Variants in NRDC observed in about 807,000 individuals in gnomAD.
The protein encoded by NRDC is nardilysin.
NRDC carries 54 observed loss-of-function variants against 147.1 expected under a neutral mutation model. That is an observed-to-expected ratio of 0.37 (90% CI 0.29 to 0.46). The LOEUF (loss-of-function observed/expected upper bound fraction) is 0.46, where lower values mean the gene tolerates loss of function less well. Among genes scored for constraint, NRDC ranks in the 20% least tolerant of loss-of-function variants. The probability of loss-of-function intolerance (pLI) is 1.00; values close to 1 mark genes in which losing one functional copy is unlikely to be tolerated. For missense variants in NRDC, 1,082 were observed against 1,370.6 expected, an observed-to-expected ratio of 0.79 and a Z score of 3.33; for synonymous variants, 440 against 482.1, an observed-to-expected ratio of 0.91 and a Z score of 1.14.
chr1:51,791,609 CAG>C lies in NRDC; in HGVS notation c.2927_2928del (p.Ser976CysfsTer13). 6.2e-7 allele frequency: 1 copy of C among 1,613,958 alleles called. No individual in the cohort carries two copies. The highest frequency in any genetic ancestry group is 8.5e-7 in the Non-Finnish European group (1 of 1,179,826). ...TTGGTTGCCTGAGTCCCCACAGTGA[CAG>C]AAAATCCTAGAATCCCGGATGTGTT... ...CRNTSGILGF[S>X]VTVGTQATKY... On this transcript the variant is annotated frameshift_variant, in exon 27 of 31. Transcript: ENST00000352171. LOFTEE classifies it high-confidence loss of function.
chr1:51,801,149 T>C (rs1679175546), intron 20 of NRDC: 1 of 152,616 alleles, frequency 6.6e-6, no homozygotes, highest in South Asian at 2.1e-4. Context: ...AATTGTCAAA[T>C]TTGGAACAAT....
chr1:51,867,587 G>T (rs1682878979), intron 1 of NRDC, among the ~76,000 whole-genome samples: 1 of 152,180 alleles, frequency 6.6e-6, no homozygotes, highest in Admixed American at 6.5e-5. Context: ...CTGTGAATAA[G>T]CAGGAAGAGA....
chr1:51,817,533 T>C (rs1216569245), intron 10 of NRDC, among the ~76,000 whole-genome samples: 1 of 152,204 alleles, frequency 6.6e-6, no homozygotes, highest in Non-Finnish European at 1.5e-5. Context: ...CCTAGTCATA[T>C]TACCAATCCA....
chr1:51,807,521 A>G (rs1033927355), intron 17 of NRDC, among the ~76,000 whole-genome samples: 2 of 152,166 alleles, frequency 1.3e-5, no homozygotes, highest in African/African-American at 2.4e-5. Flanking sequence ...AGCCTGGGCA[A>G]CATAGAGAGA....
intron 1 of NRDC, among the ~76,000 whole-genome samples, chr1:51,854,361 C>T (rs577758709): frequency 1.3e-5 from 2 of 152,054 alleles, no homozygotes; most frequent in Admixed American, 6.6e-5. Flanking sequence ...GAGCAAGATG[C>T]CATCTCAAAA....
intron 1 of NRDC, among the ~76,000 whole-genome samples, chr1:51,846,624 G>A (rs538527086): frequency 2.2e-4 from 34 of 152,342 alleles, no homozygotes; most frequent in African/African-American, 7.9e-4. Flanking sequence ...CTGGCTTCAG[G>A]AGTGAAGCTG....
intron 7 of NRDC, among the ~76,000 whole-genome samples, chr1:51,822,211 C>T (rs1680241642): frequency 6.6e-6 from 1 of 152,078 alleles, no homozygotes; most frequent in African/African-American, 2.4e-5. Context: ...GTTAGTTCTA[C>T]CAGGCACATG....
Position 51,790,599 on chromosome 1 carries a change from C to G in NRDC, c.3102G>C (p.Glu1034Asp). ...CTTCATTCCAGTTCCTATCCACCTC[C>G]TCCCCAAGGTGGGTATCCTCACACT... ...LKECEDTHLG[E>D]EVDRNWNEVV... The change falls in exon 29 of 31, where the codon GAG becomes GAC. Residue 1034 changes from glutamate to aspartate, a missense_variant. Transcript: ENST00000352171. The G allele has an allele frequency of 6.2e-7, 1 of 1,613,876 alleles. No homozygotes were observed. The highest frequency in any genetic ancestry group is 1.1e-5 in the South Asian group (1 of 91,080).
chr1:51,860,054 G>T, intron 1 of NRDC: 1 of 195,452 alleles, frequency 5.1e-6, no homozygotes, highest in South Asian at 9.9e-5. Context: ...CTTTTACTTT[G>T]GCCATAGTGG....
chr1:51,803,215 C>G (rs139724317), intron 20 of NRDC, among the ~76,000 whole-genome samples: 1 of 152,306 alleles, frequency 6.6e-6, no homozygotes, highest in African/African-American at 2.4e-5. Context: ...TGGCTCACGC[C>G]TATAATCCCA....
chr1:51,800,291 A>G (rs1679131108), intron 21 of NRDC, among the ~76,000 whole-genome samples: 2 of 152,090 alleles, frequency 1.3e-5, no homozygotes, highest in Non-Finnish European at 2.9e-5. Context: ...GCACTTCTTT[A>G]ACATTCAGGT....
At position 51,823,748 on chromosome 1, in the gene NRDC, T is replaced by C; in HGVS notation, c.1075A>G (p.Asn359Asp). The C allele has an allele frequency of 6.2e-7, 1 of 1,607,342 alleles. No individual in the cohort carries two copies. The highest frequency in any genetic ancestry group is 8.5e-7 in the Non-Finnish European group (1 of 1,174,620). Residue 359 changes from asparagine to aspartate, a missense_variant, in exon 7 of 31, where the codon AAT becomes GAT. Around this residue, in one of 3 missense-constraint regions of NRDC, gnomAD observed 635 missense variants for 923.8 expected, o/e 0.69. Transcript: ENST00000352171. Reference protein sequence around the residue: ...ETLKHEPRKNNIDTHARLREF... With the variant: ...ETLKHEPRKNDIDTHARLREF... ...CTCAATCTAGCATGTGTATCAATAT[T>C]ATTCTTTCTTGGCTCATGCTTGAGC...
intron 22 of NRDC, chr1:51,795,251 C>A: frequency 8.0e-7 from 1 of 1,247,734 alleles, no homozygotes. Context: ...TGAGTGAATA[C>A]ATCCTCTTCC....
chr1:51,818,557 A>C (rs1366495237), intron 9 of NRDC, among the ~76,000 whole-genome samples: 3 of 152,230 alleles, frequency 2.0e-5, no homozygotes, highest in Non-Finnish European at 4.4e-5. Flanking sequence ...GTTGGGTTAA[A>C]GTATCTCTAG....
intron 2 of NRDC, among the ~76,000 whole-genome samples, chr1:51,838,806 G>T (rs1681109612): frequency 6.6e-6 from 1 of 151,956 alleles, no homozygotes; most frequent in African/African-American, 2.4e-5. Flanking sequence ...AGTTAAAAGT[G>T]AATCTATTAA....
At chr1:51,839,776 G>A (rs990038023) in intron 2 of NRDC, among the ~76,000 whole-genome samples, 4 of 152,012 alleles carry the variant, frequency 2.6e-5, no homozygotes, top group Admixed American at 2.6e-4. Context: ...AACTCTTAGA[G>A]CCCTAGGCCC....
At chr1:51,799,203 TTTA>T (rs1231095452) in intron 21 of NRDC, 4 of 152,324 alleles carry the variant, frequency 2.6e-5, no homozygotes, top group African/African-American at 9.6e-5. Flanking sequence ...CTCTCCTTTT[TTTA>T]TTATTATACT....
At chr1:51,858,466 G>A (rs1173873707) in intron 1 of NRDC, among the ~76,000 whole-genome samples, 2 of 137,122 alleles carry the variant, frequency 1.5e-5, no homozygotes, top group Non-Finnish European at 3.1e-5. Context: ...GGGAAACCCT[G>A]TCTTTAAAAA....
At chr1:51,856,230 C>T (rs74080653) in intron 1 of NRDC, among the ~76,000 whole-genome samples, 1 of 152,106 alleles carries the variant, frequency 6.6e-6, no homozygotes, top group African/African-American at 2.4e-5. Context: ...TTCTCTCATA[C>T]TACTACAATG....
Sources: allele counts gnomAD v4.1 joint callset (sites outside exome capture counted in the v4.1 genomes callset), GRCh38; gene constraint gnomAD v4.1.1; regional missense constraint gnomAD v4.1.1; transcripts MANE v1.5; gene names NCBI Gene and HGNC (gene_info 2026-07-23, HGNC 2026-07-21).